ZFHX3: variants seen among roughly 807,000 people sequenced by gnomAD.
ZFHX3 encodes zinc finger homeobox 3.
A neutral mutation model predicts 279.1 loss-of-function variants in ZFHX3; 42 were observed. The ratio of observed to expected loss-of-function variants is 0.15; its 90% CI spans 0.12 to 0.19. The LOEUF (loss-of-function observed/expected upper bound fraction) is 0.19. ZFHX3 is among the 10% of genes least tolerant of loss of function. ZFHX3 has a pLI of 1.00. For missense variants in ZFHX3, 4,981 were observed against 4,754.0 expected (o/e 1.05, Z -1.40); for synonymous variants, 2,293 against 1,957.8 (o/e 1.17, Z -4.52).
chr16:72,890,924 A>G (rs1456566875), intron 3 of ZFHX3, among the ~76,000 whole-genome samples: 3 of 152,222 alleles, frequency 2.0e-5, no homozygotes, highest in African/African-American at 7.2e-5. Flanking sequence ...AAATGTGCTA[A>G]ATTATGACAG....
At chr16:73,770,028 G>T (rs776871314) in intron 1 of ZFHX3, among the ~76,000 whole-genome samples, 2 of 152,216 alleles carry the variant, frequency 1.3e-5, no homozygotes, top group Non-Finnish European at 2.9e-5. Context: ...TCCCCTAAAG[G>T]TATCCACACC....
At chr16:72,980,171 C>A (rs1962526987) in intron 1 of ZFHX3, among the ~76,000 whole-genome samples, 1 of 152,180 alleles carries the variant, frequency 6.6e-6, no homozygotes, top group Non-Finnish European at 1.5e-5. Flanking sequence ...AGTGGCAGAG[C>A]TAGGACGAAG....
intron 2 of ZFHX3, among the ~76,000 whole-genome samples, chr16:73,673,918 G>T (rs947180302): frequency 1.3e-5 from 2 of 152,118 alleles, no homozygotes; most frequent in African/African-American, 4.8e-5. Flanking sequence ...CACCACACAA[G>T]GAGACAGGTA....
At chr16:73,550,724 C>A (rs2020190943) in intron 2 of ZFHX3, among the ~76,000 whole-genome samples, 1 of 152,198 alleles carries the variant, frequency 6.6e-6, no homozygotes, top group Admixed American at 6.5e-5. Flanking sequence ...ATTTGTTATA[C>A]CTTCTGTGGC....
chr16:73,572,166 C>CT (rs1597005448), intron 2 of ZFHX3, among the ~76,000 whole-genome samples: 1 of 53,716 alleles, frequency 1.9e-5, no homozygotes, highest in Non-Finnish European at 3.5e-5. Context: ...TCTAAATATT[C>CT]TTAAAAAAAA....
intron 1 of ZFHX3, among the ~76,000 whole-genome samples, chr16:73,707,468 T>C (rs2053315500): frequency 6.6e-6 from 1 of 151,540 alleles, no homozygotes; most frequent in African/African-American, 2.4e-5. Flanking sequence ...GAAACCATCA[T>C]TCTCAGCAAA....
At chr16:73,841,517 G>A (rs1482329418) in intron 1 of ZFHX3, among the ~76,000 whole-genome samples, 1 of 152,048 alleles carries the variant, frequency 6.6e-6, no homozygotes, top group Admixed American at 6.5e-5. Flanking sequence ...CCATCATCTC[G>A]GAACTGTCAA....
intron 3 of ZFHX3, among the ~76,000 whole-genome samples, chr16:73,348,749 C>T (rs150971872): frequency 2.5e-4 from 38 of 152,344 alleles, no homozygotes; most frequent in African/African-American, 5.3e-4. Context: ...CCCACATTCC[C>T]GGTTAAAGAC....
chr16:72,931,389 A>C (rs1959788643), intron 3 of ZFHX3, among the ~76,000 whole-genome samples: 1 of 145,178 alleles, frequency 6.9e-6, no homozygotes, highest in African/African-American at 2.6e-5. Flanking sequence ...TTCTGGGATT[A>C]GCCATTTATT....
intron 1 of ZFHX3, among the ~76,000 whole-genome samples, chr16:73,853,854 A>G (rs2142382450): frequency 6.6e-6 from 1 of 152,274 alleles, no homozygotes. Context: ...AGACTGAAAA[A>G]GTTTCCCAAA....
At chr16:73,589,348 A>T (rs1264261865) in intron 2 of ZFHX3, among the ~76,000 whole-genome samples, 1 of 147,404 alleles carries the variant, frequency 6.8e-6, no homozygotes, top group Admixed American at 6.9e-5. Context: ...AAGTAGGATG[A>T]TCACTTGAGC....
At chr16:73,662,627 T>C (rs1481550040) in intron 2 of ZFHX3, among the ~76,000 whole-genome samples, 4 of 152,134 alleles carry the variant, frequency 2.6e-5, no homozygotes, top group South Asian at 4.1e-4. Flanking sequence ...CCAGATAAAT[T>C]TGATTACTAT....
Position 73,546,671 on chromosome 16 carries a change from T to TTGCTGCTGCTGC in ZFHX3, c.-1546-90425_-1546-90414dup, listed in dbSNP as rs57427757. On this transcript the variant is annotated intron_variant, in intron 2 of 17. Transcript: ENST00000641206. ...TGAGAAAAAGCTTTGGGTGCTGCTG[T>TTGCTGCTGCTGC]TGCTGCTGCTGCTGCTGCTGCTGCT... 2.8e-3 allele frequency among the ~76,000 whole-genome samples: 400 copies of TTGCTGCTGCTGC among 143,522 alleles called. 1 individual carries two copies. Among genetic ancestry groups the TTGCTGCTGCTGC allele is most frequent in the East Asian group, 5.7e-3 (27 of 4,748 alleles). The allele number at this position is 143,522 out of a possible 152,430, so 94.2% of individuals were successfully genotyped here. A position where few individuals can be genotyped will look rare whatever the true frequency, so the allele number is the denominator to read the frequency against.
At chr16:73,598,900 T>C (rs1373595345) in intron 2 of ZFHX3, among the ~76,000 whole-genome samples, 1 of 152,174 alleles carries the variant, frequency 6.6e-6, no homozygotes, top group Non-Finnish European at 1.5e-5. Context: ...GTAGCTGGGA[T>C]TACAGGAGCC....
At chr16:72,815,718 C>T (rs1462791046) in intron 5 of ZFHX3, among the ~76,000 whole-genome samples, 1 of 152,230 alleles carries the variant, frequency 6.6e-6, no homozygotes, top group Non-Finnish European at 1.5e-5. Context: ...TTACTGGTCA[C>T]TTTAAGCCTG....
intron 4 of ZFHX3, 107 bp from the exon 5 acceptor site, chr16:72,829,966 C>T (rs953600371): frequency 2.0e-5 from 23 of 1,142,140 alleles, no homozygotes; most frequent in Admixed American, 3.9e-5. Flanking sequence ...ACCAATGACT[C>T]GTCCCCCTTC....
intron 2 of ZFHX3, among the ~76,000 whole-genome samples, chr16:73,551,244 G>A (rs2020199618): frequency 6.6e-6 from 1 of 152,082 alleles, no homozygotes; most frequent in Non-Finnish European, 1.5e-5. Context: ...GAAAATGCGA[G>A]GGGGTTTTCA....
At chr16:73,843,293 C>T (rs1221307593) in intron 1 of ZFHX3, among the ~76,000 whole-genome samples, 2 of 152,178 alleles carry the variant, frequency 1.3e-5, no homozygotes, top group African/African-American at 2.4e-5. Context: ...AGGCTCCTTC[C>T]GTGTGCACAG....
intron 2 of ZFHX3, among the ~76,000 whole-genome samples, chr16:73,480,980 A>C (rs1378785697): frequency 1.3e-5 from 2 of 152,092 alleles, no homozygotes; most frequent in Non-Finnish European, 2.9e-5. Flanking sequence ...CACGTCAAGG[A>C]CTCGGTCTCG....
Sources: allele counts gnomAD v4.1 joint callset (sites outside exome capture counted in the v4.1 genomes callset), GRCh38; gene constraint gnomAD v4.1.1; transcripts MANE v1.5; gene names NCBI Gene and HGNC (gene_info 2026-07-23, HGNC 2026-07-21).